FAM107B: variants seen among roughly 807,000 people sequenced by gnomAD.
FAM107B encodes the protein family with sequence similarity 107 member B, also known as protein FAM107B.
A neutral mutation model predicts 31.5 loss-of-function variants in FAM107B; 21 were observed. That is an observed-to-expected ratio of 0.67 (90% confidence interval 0.47 to 0.96). The LOEUF (loss-of-function observed/expected upper bound fraction) is 0.96. FAM107B is among the 40% of genes least tolerant of loss of function. FAM107B has a pLI of 0.00. For missense variants in FAM107B, 452 were observed against 377.1 expected (o/e 1.20, Z -1.64); for synonymous variants, 157 against 141.5 (o/e 1.11, Z -0.78).
At chr10:14,667,820 A>G in intron 1 of FAM107B, 129 bp from the exon 2 acceptor site, 1 of 885,058 alleles carries the variant, frequency 1.1e-6, no homozygotes, top group East Asian at 2.6e-5. Flanking sequence ...ACCACACCTT[A>G]AAGAACTGAG....
intron 2 of FAM107B, among the ~76,000 whole-genome samples, chr10:14,586,718 C>T (rs1440640958): frequency 2.0e-5 from 3 of 152,150 alleles, no homozygotes; most frequent in African/African-American, 4.8e-5. Context: ...GTTTAAGCCA[C>T]CCCGTCTGTG....
chr10:14,525,488 A>G (rs1297072539), intron 3 of FAM107B, among the ~76,000 whole-genome samples: 1 of 152,238 alleles, frequency 6.6e-6, no homozygotes, highest in Non-Finnish European at 1.5e-5. Context: ...CGAATCGAGG[A>G]GCACCACTCC....
chr10:14,637,332 A>C (rs1456442162), intron 2 of FAM107B, among the ~76,000 whole-genome samples: 2 of 151,746 alleles, frequency 1.3e-5, no homozygotes, highest in Admixed American at 1.3e-4. Context: ...CTGTAACTTG[A>C]CTCTAACCAA....
intron 2 of FAM107B, among the ~76,000 whole-genome samples, chr10:14,580,154 T>A (rs1038417795): frequency 1.3e-5 from 2 of 151,894 alleles, no homozygotes; most frequent in African/African-American, 4.8e-5. Flanking sequence ...GGTCAGGAGA[T>A]CAAGACCATC....
intron 2 of FAM107B, among the ~76,000 whole-genome samples, chr10:14,607,919 G>A (rs758136074): frequency 3.3e-5 from 5 of 152,036 alleles, no homozygotes; most frequent in African/African-American, 4.8e-5. Context: ...CAACCTACAG[G>A]GTCACCCATA....
chr10:14,594,751 G>A (rs1349517325), intron 2 of FAM107B, among the ~76,000 whole-genome samples: 3 of 152,102 alleles, frequency 2.0e-5, no homozygotes, highest in African/African-American at 7.2e-5. Context: ...AACTGCATTG[G>A]TTGGTGCCTC....
intron 1 of FAM107B, among the ~76,000 whole-genome samples, chr10:14,691,843 G>C (rs1855143330): frequency 6.8e-6 from 1 of 146,664 alleles, no homozygotes. Context: ...GCAGTGAGCT[G>C]AGATCGTGCC....
At chr10:14,677,584 G>A (rs1428931829) in intron 1 of FAM107B, among the ~76,000 whole-genome samples, 1 of 151,974 alleles carries the variant, frequency 6.6e-6, no homozygotes, top group Non-Finnish European at 1.5e-5. Flanking sequence ...TGGCGCCACT[G>A]CACTCCAGCC....
intron 2 of FAM107B, among the ~76,000 whole-genome samples, chr10:14,577,527 TTG>T (rs1295400484): frequency 6.6e-6 from 1 of 152,260 alleles, no homozygotes; most frequent in Non-Finnish European, 1.5e-5. Context: ...GTCTTAAAAA[TTG>T]TTTCTTTTTA....
At chr10:14,522,600 G>C (rs111324980) in intron 3 of FAM107B, among the ~76,000 whole-genome samples, 2,005 of 152,158 alleles carry the variant, frequency 0.013, 49 homozygotes, top group African/African-American at 0.046. Flanking sequence ...ATTTTTAGTA[G>C]AGATGGGGTT....
At chr10:14,756,299 G>A (rs1042418681) in intron 1 of FAM107B, among the ~76,000 whole-genome samples, 2 of 152,078 alleles carry the variant, frequency 1.3e-5, no homozygotes, top group African/African-American at 2.4e-5. Context: ...TGATAGTCTT[G>A]GGTGTCAATT....
At chr10:14,697,506 CT>C (rs1855295071) in intron 1 of FAM107B, among the ~76,000 whole-genome samples, 1 of 152,218 alleles carries the variant, frequency 6.6e-6, no homozygotes, top group African/African-American at 2.4e-5. Flanking sequence ...GTGTAAACTA[CT>C]GTGTTCCAGA....
chr10:14,753,186 C>A (rs1214676866), intron 1 of FAM107B, among the ~76,000 whole-genome samples: 1 of 152,214 alleles, frequency 6.6e-6, no homozygotes, highest in Non-Finnish European at 1.5e-5. Flanking sequence ...CACAGAAACA[C>A]AGGCAGAGCA....
intron 2 of FAM107B, chr10:14,554,186 A>G: frequency 1.0e-6 from 1 of 983,422 alleles, no homozygotes; most frequent in Non-Finnish European, 1.2e-6. Flanking sequence ...CTTTTCCTCT[A>G]CCCTCCCACT....
At chr10:14,554,882 G>A in intron 2 of FAM107B, among the ~76,000 whole-genome samples, 1 of 152,158 alleles carries the variant, frequency 6.6e-6, no homozygotes, top group East Asian at 1.9e-4. Flanking sequence ...TCAAGTGGAT[G>A]AAAAATATGT....
At chr10:14,620,280 G>C (rs1228388572) in intron 2 of FAM107B, among the ~76,000 whole-genome samples, 1 of 152,126 alleles carries the variant, frequency 6.6e-6, no homozygotes, top group Non-Finnish European at 1.5e-5. Context: ...GCCTCCCAAA[G>C]TGCTGGGATT....
Position 14,539,407 on chromosome 10 carries a change from T to C in FAM107B, c.470-8892A>G, listed in dbSNP as rs374284366. 7.9e-5 allele frequency among the ~76,000 whole-genome samples: 12 copies of C among 152,298 alleles called. No homozygotes were observed. In the South Asian group the frequency reaches 1.9e-3, roughly 24 times the overall value. On this transcript the variant is annotated intron_variant, in intron 2 of 4. Coordinates refer to ENST00000181796, the MANE Select transcript of FAM107B (RefSeq NM_031453.4). ...TCCTGCAACTAAATTTCTTCAGCCT[T>C]GTACCTCCCCAAAGTCTGCATCTTG...
intron 2 of FAM107B, among the ~76,000 whole-genome samples, chr10:14,647,097 T>C (rs1217975159): frequency 6.6e-6 from 1 of 152,056 alleles, no homozygotes; most frequent in Non-Finnish European, 1.5e-5. Context: ...CCCGGCTCCA[T>C]TTTCTCCTCT....
At chr10:14,693,198 G>A (rs976380129) in intron 1 of FAM107B, among the ~76,000 whole-genome samples, 3 of 152,202 alleles carry the variant, frequency 2.0e-5, no homozygotes, top group East Asian at 3.9e-4. Flanking sequence ...GTATATGGCC[G>A]GGCGCGGTGG....
Sources: gnomAD v4.1 joint callset for allele counts (sites outside exome capture counted in the v4.1 genomes callset) on GRCh38, gnomAD v4.1.1 for gene constraint, MANE v1.5 for transcripts, NCBI Gene and HGNC (gene_info 2026-07-23, HGNC 2026-07-21) for gene names.